Variants in RAD51B observed in about 807,000 individuals in gnomAD.
RAD51B encodes the protein RAD51 paralog B, also known as DNA repair protein RAD51 homolog 2.
Under a neutral mutation model 42.2 loss-of-function variants are expected in RAD51B, and 38 were observed. That is an observed-to-expected ratio of 0.90 (90% CI 0.70 to 1.18). The LOEUF is 1.18. RAD51B is among the 50% of genes most tolerant of loss of function. RAD51B has a pLI of 0.00. For synonymous variants in RAD51B, 154 were observed against 145.2 expected (o/e 1.06, Z -0.43); for missense variants, 373 against 400.7 (o/e 0.93, Z 0.59).
At chr14:68,162,269 G>A (rs887610046) in intron 7 of RAD51B, among the ~76,000 whole-genome samples, 3 of 152,046 alleles carry the variant, frequency 2.0e-5, no homozygotes, top group South Asian at 2.1e-4. Context: ...GCAATAGAAC[G>A]TAAATTCCTT....
At chr14:68,673,436 GCA>G (rs1337072655) in intron 11 of RAD51B, among the ~76,000 whole-genome samples, 1 of 150,588 alleles carries the variant, frequency 6.6e-6, no homozygotes, top group Admixed American at 6.6e-5. Context: ...ATGTATACAT[GCA>G]CACACGTACA....
At chr14:68,496,019 C>T (rs538317209) in intron 10 of RAD51B, among the ~76,000 whole-genome samples, 7 of 152,272 alleles carry the variant, frequency 4.6e-5, no homozygotes, top group South Asian at 4.1e-4. Context: ...CAATTAAAGC[C>T]GCCTTTGTCC....
At position 67,978,064 on chromosome 14, in the gene RAD51B, C is replaced by G. The variant is rs1291785233; in HGVS notation, c.756+90860C>G. Among the ~76,000 whole-genome samples the G allele has an allele frequency of 3.3e-5, 5 of 152,010 alleles. No homozygotes were observed. The East Asian group carries it at 9.6e-4, about 29-fold the overall frequency. On this transcript the variant is annotated intron_variant, in intron 7 of 10. Coordinates refer to ENST00000471583, the MANE Select transcript of RAD51B (RefSeq NM_133510.4). ...TTTATAAGAGGAGTATTTGACTTTT[C>G]CTTATAGCGATCTCAGATTTCATTA...
At chr14:68,364,460 G>T (rs1417659727) in intron 8 of RAD51B, among the ~76,000 whole-genome samples, 1 of 152,130 alleles carries the variant, frequency 6.6e-6, no homozygotes, top group Non-Finnish European at 1.5e-5. Context: ...CCTCCTTCCC[G>T]CTGTGCCTGG....
At position 68,661,838 on chromosome 14, in the gene RAD51B, A is replaced by G. The variant is rs17756806; in HGVS notation, c.*11+10982A>G. ...TCTGACTGCCAGCAGGTTGTGCTCT[A>G]GGCTGGCCCAGTTAGCCATCACCCA... is the stretch of plus-strand genomic sequence containing the variant. On this transcript the variant is annotated intron_variant, in intron 11 of 11. Coordinates refer to the RAD51B transcript ENST00000488612. Among the ~76,000 whole-genome samples the G allele has an allele frequency of 7.9e-3, 1,210 of 152,276 alleles. 6 individuals carry two copies. Among genetic ancestry groups the G allele is most frequent in the Middle Eastern group, 0.054 (16 of 294 alleles).
chr14:68,242,607 T>G (rs1161318449), intron 7 of RAD51B, among the ~76,000 whole-genome samples: 1 of 152,190 alleles, frequency 6.6e-6, no homozygotes, highest in Non-Finnish European at 1.5e-5. Context: ...CATATACTTT[T>G]CAAGTACCTG....
intron 7 of RAD51B, among the ~76,000 whole-genome samples, chr14:68,045,824 AT>A (rs2076290729): frequency 6.6e-6 from 1 of 152,190 alleles, no homozygotes; most frequent in Non-Finnish European, 1.5e-5. Context: ...GGGGATGATG[AT>A]TTAACTGCTT....
intron 9 of RAD51B, among the ~76,000 whole-genome samples, chr14:68,432,302 T>C (rs922093877): frequency 6.6e-6 from 1 of 152,198 alleles, no homozygotes; most frequent in Non-Finnish European, 1.5e-5. Context: ...TTCCTGGATA[T>C]CCTAGTTAAC....
At chr14:68,628,094 T>C (rs1226450246) in intron 10 of RAD51B, among the ~76,000 whole-genome samples, 1 of 152,218 alleles carries the variant, frequency 6.6e-6, no homozygotes, top group African/African-American at 2.4e-5. Flanking sequence ...TTCCATCTTC[T>C]AGCATCCGAA....
At chr14:68,675,387 G>C (rs1893283007) in intron 11 of RAD51B, among the ~76,000 whole-genome samples, 2 of 152,092 alleles carry the variant, frequency 1.3e-5, no homozygotes, top group Admixed American at 1.3e-4. Flanking sequence ...TCAGTGTCCA[G>C]GCAAATGGGC....
intron 8 of RAD51B, among the ~76,000 whole-genome samples, chr14:68,315,795 T>A (rs2331672): frequency 1.3e-5 from 2 of 152,376 alleles, no homozygotes; most frequent in Middle Eastern, 3.4e-3. Flanking sequence ...GTGCTGGGAT[T>A]ACAGGCGTGA....
chr14:68,376,871 G>A (rs1257498329), intron 8 of RAD51B, among the ~76,000 whole-genome samples: 2 of 152,274 alleles, frequency 1.3e-5, no homozygotes, highest in East Asian at 3.9e-4. Flanking sequence ...TCATTGATTG[G>A]CTAATTAGAC....
chr14:68,180,908 C>CA (rs1402731211), intron 7 of RAD51B, among the ~76,000 whole-genome samples: 9 of 152,224 alleles, frequency 5.9e-5, no homozygotes, highest in Admixed American at 5.9e-4. Flanking sequence ...ACTTCCTTTT[C>CA]ATACAGATTG....
chr14:67,952,898 T>G (rs1238844135), intron 7 of RAD51B, among the ~76,000 whole-genome samples: 1 of 152,136 alleles, frequency 6.6e-6, no homozygotes, highest in Non-Finnish European at 1.5e-5. Context: ...TTTTTGTTTT[T>G]TTTTTAATAA....
chr14:67,869,839 T>G (rs542187208), intron 5 of RAD51B, among the ~76,000 whole-genome samples: 1 of 152,046 alleles, frequency 6.6e-6, no homozygotes, highest in South Asian at 2.1e-4. Flanking sequence ...CCAAACAAGC[T>G]TCATAAGTGA....
At chr14:67,997,550 A>G (rs752086070) in intron 7 of RAD51B, among the ~76,000 whole-genome samples, 16 of 151,976 alleles carry the variant, frequency 1.1e-4, no homozygotes, top group African/African-American at 2.4e-4. Context: ...TCTTTTTCCT[A>G]TTGTCTGTGA....
In RAD51B at chr14:68,467,973, A is replaced by G. The variant is rs2074562; in HGVS notation, c.958-199A>G. On this transcript the variant is annotated intron_variant, in intron 9 of 10. Transcript: ENST00000471583. ...TGATGACAGAATAGTTGGAATAAGC[A>G]TACAGCCTTTTAAGGTGACCACTTT... 0.68 allele frequency among the ~76,000 whole-genome samples: 102,816 copies of G among 152,076 alleles called. 35,468 individuals carry two copies. The highest frequency in any genetic ancestry group is 0.78 in the African/African-American group (32,478 of 41,454).
chr14:68,631,043 T>G (rs1054737177), intron 10 of RAD51B, among the ~76,000 whole-genome samples: 1 of 152,122 alleles, frequency 6.6e-6, no homozygotes, highest in Non-Finnish European at 1.5e-5. Flanking sequence ...GAGGCAAAGA[T>G]GGAAATCATT....
chr14:68,507,723 A>T (rs1885437211), intron 10 of RAD51B, among the ~76,000 whole-genome samples: 1 of 152,202 alleles, frequency 6.6e-6, no homozygotes, highest in Non-Finnish European at 1.5e-5. Context: ...GCATTACCAA[A>T]GTGCCAGCAT....
Sources: gnomAD v4.1 joint callset for allele counts (sites outside exome capture counted in the v4.1 genomes callset) on GRCh38, gnomAD v4.1.1 for gene constraint, MANE v1.5 for transcripts, NCBI Gene and HGNC (gene_info 2026-07-23, HGNC 2026-07-21) for gene names.